Variants in NDC1 observed in about 807,000 individuals in gnomAD.
NDC1 encodes the protein NDC1 transmembrane nucleoporin.
Under a neutral mutation model 89.8 loss-of-function variants are expected in NDC1, and 24 were observed. The ratio of observed to expected loss-of-function variants is 0.27; its 90% CI spans 0.19 to 0.38. The LOEUF (loss-of-function observed/expected upper bound fraction) is 0.38, where lower values mean the gene tolerates loss of function less well. NDC1 is among the 10% of genes least tolerant of loss of function. NDC1 has a pLI of 1.00. For missense variants in NDC1, 728 were observed against 797.6 expected (o/e 0.91, Z 1.05); for synonymous variants, 296 against 284.8 (o/e 1.04, Z -0.39).
rs961205885 is a variant in NDC1, at chr1:53,796,795, A to G, written c.1478T>C (p.Met493Thr). ...TGGAGAAGGATTAGAAAATTCAGTC[A>G]TTTGCTGATCTATTTTTAAAAAAGA... is the stretch of plus-strand genomic sequence containing the variant. ...RLWTSASDQQMTEFSNPSPST... is the reference protein window; with the variant it reads ...RLWTSASDQQTTEFSNPSPST... The change falls in exon 13 of 18, where the codon ATG becomes ACG. Residue 493 changes from methionine to threonine, a missense_variant. By Grantham distance (81) the Met-to-Thr change is moderately conservative. Transcript: ENST00000371429. 12 of 1,608,220 alleles carry G rather than the reference A, an allele frequency of 7.5e-6. No homozygotes were observed. The highest frequency in any genetic ancestry group is 2.7e-5 in the African/African-American group (2 of 74,418).
intron 16 of NDC1, among the ~76,000 whole-genome samples, chr1:53,781,217 T>G (rs1405209743): frequency 6.6e-6 from 1 of 152,156 alleles, no homozygotes; most frequent in East Asian, 1.9e-4. Context: ...GTAAGCACCC[T>G]TTTTAAAAAC....
At chr1:53,790,600 G>A (rs1647462224) in intron 14 of NDC1, among the ~76,000 whole-genome samples, 1 of 151,482 alleles carries the variant, frequency 6.6e-6, no homozygotes, top group South Asian at 2.1e-4. Context: ...CCAGCTACTT[G>A]GGAGGCTGCA....
intron 7 of NDC1, 106 bp from the exon 8 acceptor site, chr1:53,807,897 T>C (rs1648168297): frequency 1.4e-5 from 14 of 1,034,952 alleles, no homozygotes; most frequent in Non-Finnish European, 2.0e-5. Context: ...TAAATAACAA[T>C]GTTGACAGAC....
intron 16 of NDC1, among the ~76,000 whole-genome samples, chr1:53,783,621 G>T (rs1264707819): frequency 6.6e-6 from 1 of 152,208 alleles, no homozygotes; most frequent in Non-Finnish European, 1.5e-5. Flanking sequence ...CCCCAATGCA[G>T]CAGTGTTGAG....
At chr1:53,776,518 CTG>C (rs1244723128) in intron 16 of NDC1, among the ~76,000 whole-genome samples, 1 of 152,116 alleles carries the variant, frequency 6.6e-6, no homozygotes, top group African/African-American at 2.4e-5. Flanking sequence ...GTTAAATAAA[CTG>C]TACTATTAAT....
chr1:53,833,774 T>C (rs1649143176), intron 2 of NDC1, among the ~76,000 whole-genome samples: 1 of 152,132 alleles, frequency 6.6e-6, no homozygotes, highest in Non-Finnish European at 1.5e-5. Flanking sequence ...AGAGCATGTT[T>C]GCTAAGACTT....
intron 1 of NDC1, among the ~76,000 whole-genome samples, chr1:53,837,125 A>G (rs1484120411): frequency 1.3e-5 from 2 of 152,214 alleles, no homozygotes; most frequent in African/African-American, 4.8e-5. Context: ...AAAGGAATGA[A>G]GTACTCATGC....
At chr1:53,818,059 T>C (rs1648537747) in intron 6 of NDC1, among the ~76,000 whole-genome samples, 1 of 152,158 alleles carries the variant, frequency 6.6e-6, no homozygotes, top group South Asian at 2.1e-4. Flanking sequence ...GATAGAGTAA[T>C]GACCAAATGA....
rs868754994 is a variant in NDC1 at position 53,793,258 on chromosome 1, G to A, written c.1606C>T (p.Arg536Trp). 4 of 1,610,960 alleles carry A rather than the reference G, an allele frequency of 2.5e-6. No homozygotes were observed. Among genetic ancestry groups the A allele is most frequent in the South Asian group, 1.1e-5 (1 of 90,958 alleles). ...REQIKNFLSK[R>W]VLIMYFFSKH... ...CTGAAAAAATACATTATCAGCACCC[G>A]TTTTGACAAGAAATTCTTAATCTGA... Residue 536 changes from arginine to tryptophan, a missense_variant, in exon 14 of 18, where the codon CGG becomes TGG. By Grantham distance (101) the Arg-to-Trp change is moderately radical. Transcript: ENST00000371429.
chr1:53,836,166 A>G (rs929250580), intron 1 of NDC1, among the ~76,000 whole-genome samples: 2 of 152,212 alleles, frequency 1.3e-5, no homozygotes, highest in African/African-American at 4.8e-5. Context: ...AAGGTAAAAC[A>G]TGTCTGTTTA....
chr1:53,818,462 T>C (rs771884158), intron 6 of NDC1, among the ~76,000 whole-genome samples: 43 of 151,926 alleles, frequency 2.8e-4, no homozygotes, highest in Non-Finnish European at 5.4e-4. Context: ...ATTTTAGCCA[T>C]CTTTAAGTGT....
intron 1 of NDC1, among the ~76,000 whole-genome samples, chr1:53,835,858 G>A (rs1373095231): frequency 6.6e-6 from 1 of 152,090 alleles, no homozygotes; most frequent in Non-Finnish European, 1.5e-5. Flanking sequence ...TATGAGGGGT[G>A]GTGGGCATTG....
chr1:53,830,589 G>A (rs533305042), intron 3 of NDC1, among the ~76,000 whole-genome samples: 11 of 152,118 alleles, frequency 7.2e-5, no homozygotes, highest in Admixed American at 2.6e-4. Flanking sequence ...GGCTGGGCGC[G>A]GTGGCTCATG....
At chr1:53,801,224 G>A (rs1647902655) in intron 10 of NDC1, among the ~76,000 whole-genome samples, 1 of 152,098 alleles carries the variant, frequency 6.6e-6, no homozygotes, top group South Asian at 2.1e-4. Flanking sequence ...TGTGAACAAT[G>A]AACTAAGACA....
intron 13 of NDC1, among the ~76,000 whole-genome samples, chr1:53,794,834 C>A (rs1398762206): frequency 6.6e-6 from 1 of 152,158 alleles, no homozygotes; most frequent in Admixed American, 6.5e-5. Context: ...CATGATCATA[C>A]CACTGCACTC....
rs1647076234 is a variant in NDC1 at position 53,767,568 on chromosome 1, A to G, written c.*402T>C. On this transcript the variant is annotated 3_prime_UTR_variant, in exon 18 of 18. Transcript: ENST00000371429. The stretch of plus-strand genomic sequence containing the variant: ...GTTTATGTATTTTGAGTTTACAAAG[A>G]GCTAAACTCTTAATTAAGAAGACTA... The G allele has an allele frequency of 6.5e-6, 1 of 154,738 alleles. No individual in the cohort carries two copies. Among genetic ancestry groups the G allele is most frequent in the African/African-American group, 2.4e-5 (1 of 41,562 alleles). The allele number at this position is 154,738 out of a possible 1,614,324, so 9.6% of individuals were successfully genotyped here.
intron 9 of NDC1, 96 bp downstream of exon 9, chr1:53,806,329 C>A: frequency 4.2e-6 from 3 of 712,242 alleles, no homozygotes; most frequent in African/African-American, 1.9e-5. Context: ...TATTATAGGC[C>A]CTCAAAAAAT....
In NDC1 at chr1:53,797,161, C is replaced by T. The variant is rs758532679; in HGVS notation, c.1223-17G>A. On this transcript the variant is annotated splice_polypyrimidine_tract_variant and intron_variant, in intron 11 of 17. Coordinates refer to ENST00000371429, the MANE Select transcript of NDC1 (RefSeq NM_018087.5). ...CAGTTTCTTCTGTAAAACAACAGAT[C>T]CAGTGCTGAAGAGGCAACCTGATCC... The T allele has an allele frequency of 1.2e-6, 2 of 1,611,568 alleles. No homozygotes were observed. Among genetic ancestry groups the T allele is most frequent in the East Asian group, 4.5e-5 (2 of 44,854 alleles).
At chr1:53,791,551 T>C (rs1490413223) in intron 14 of NDC1, among the ~76,000 whole-genome samples, 1 of 152,196 alleles carries the variant, frequency 6.6e-6, no homozygotes, top group Non-Finnish European at 1.5e-5. Flanking sequence ...GTGGAACAAC[T>C]GGTCCATTTG....
Sources: allele counts gnomAD v4.1 joint callset (sites outside exome capture counted in the v4.1 genomes callset), GRCh38; gene constraint gnomAD v4.1.1; transcripts MANE v1.5; gene names NCBI Gene and HGNC (gene_info 2026-07-23, HGNC 2026-07-21).